ARMC9: variants seen among roughly 807,000 people sequenced by gnomAD.
ARMC9 encodes lisH domain-containing protein ARMC9.
ARMC9 carries 94 observed loss-of-function variants against 107.0 expected under a neutral mutation model. That is an observed-to-expected ratio of 0.88 (90% CI 0.74 to 1.04). The LOEUF (loss-of-function observed/expected upper bound fraction) is 1.04, where lower values mean the gene tolerates loss of function less well. ARMC9 is among the 50% of genes least tolerant of loss of function. The probability of loss-of-function intolerance (pLI) is 0.00; values close to 1 mark genes in which losing one functional copy is unlikely to be tolerated. For missense variants in ARMC9, 942 were observed against 1,030.1 expected (o/e 0.91, Z 1.17); for synonymous variants, 380 against 396.9 (o/e 0.96, Z 0.51).
intron 7 of ARMC9, among the ~76,000 whole-genome samples, chr2:231,230,827 A>T (rs1559322050): frequency 6.6e-6 from 1 of 152,238 alleles, no homozygotes; most frequent in South Asian, 2.1e-4. Flanking sequence ...TATGAAAAAA[A>T]GTCTGTATGT....
chr2:231,230,538 G>A (rs1172457368), intron 7 of ARMC9, among the ~76,000 whole-genome samples: 1 of 152,192 alleles, frequency 6.6e-6, no homozygotes, highest in Non-Finnish European at 1.5e-5. Context: ...TTTGTAGCTA[G>A]TTAAGGTATC....
intron 17 of ARMC9, among the ~76,000 whole-genome samples, chr2:231,282,527 A>G (rs1314846614): frequency 6.6e-6 from 1 of 152,228 alleles, no homozygotes; most frequent in Admixed American, 6.5e-5. Context: ...AGCAAACCTC[A>G]GGTGATTAGT....
At chr2:231,345,540 T>C (rs1390510392) in intron 21 of ARMC9, among the ~76,000 whole-genome samples, 2 of 152,234 alleles carry the variant, frequency 1.3e-5, no homozygotes, top group African/African-American at 4.8e-5. Flanking sequence ...CCGAGCCTTA[T>C]TCATCTTCCA....
At chr2:231,291,304 T>C in intron 17 of ARMC9, 49 bp from the exon 18 acceptor site, 1 of 1,481,306 alleles carries the variant, frequency 6.8e-7, no homozygotes, top group Non-Finnish European at 9.4e-7. Context: ...AAAAGTAGTT[T>C]CCCTCCAGAC....
In ARMC9 at chr2:231,376,843, A is replaced by C. The variant is rs1444772206; in HGVS notation, c.*5308A>C. On this transcript the variant is annotated 3_prime_UTR_variant, in exon 25 of 25. Coordinates refer to ENST00000611582, the MANE Select transcript of ARMC9 (RefSeq NM_001352754.2). ...GTCTCCCCCGGACACCCAGCTTTAC[A>C]ATTTCTCTCTTTTGTACTCTGTCCC... 6.6e-6 allele frequency among the ~76,000 whole-genome samples: 1 copy of C among 152,054 alleles called. No homozygotes were observed. The highest frequency in any genetic ancestry group is 1.5e-5 in the Non-Finnish European group (1 of 68,018).
At chr2:231,276,875 A>C in intron 15 of ARMC9, 100 bp downstream of exon 15, 1 of 1,457,642 alleles carries the variant, frequency 6.9e-7, no homozygotes, top group East Asian at 2.3e-5. Context: ...TTTTAGTCTC[A>C]TAGAAAACTA....
chr2:231,365,081 A>T (rs1315468607), intron 23 of ARMC9, among the ~76,000 whole-genome samples: 3 of 152,290 alleles, frequency 2.0e-5, no homozygotes, highest in Admixed American at 6.5e-5. Flanking sequence ...AGCAGCCTGG[A>T]GGCAGCCAGG....
At chr2:231,235,456 T>C (rs1464712110) in intron 8 of ARMC9, 75 bp downstream of exon 8, 19 of 1,509,382 alleles carry the variant, frequency 1.3e-5, no homozygotes, top group Admixed American at 1.0e-4. Context: ...TATGTTGATA[T>C]GGCAGGTGGA....
intron 7 of ARMC9, among the ~76,000 whole-genome samples, chr2:231,230,896 G>C (rs890082718): frequency 6.6e-6 from 1 of 152,198 alleles, no homozygotes; most frequent in African/African-American, 2.4e-5. Flanking sequence ...TGAATCCACA[G>C]GTGCAGTACC....
At chr2:231,315,016 G>A (rs533622689) in intron 19 of ARMC9, among the ~76,000 whole-genome samples, 9 of 151,684 alleles carry the variant, frequency 5.9e-5, no homozygotes, top group African/African-American at 1.7e-4. Flanking sequence ...CGAGGCAGGC[G>A]GATCATGAGG....
At chr2:231,282,212 T>C (rs2040269218) in intron 17 of ARMC9, 79 bp downstream of exon 17, 6 of 1,424,192 alleles carry the variant, frequency 4.2e-6, no homozygotes, top group South Asian at 3.5e-5. Context: ...ACCTCCTTGA[T>C]TGGGCTCCAT....
chr2:231,336,810 G>A (rs2044121186), intron 20 of ARMC9, among the ~76,000 whole-genome samples: 1 of 152,226 alleles, frequency 6.6e-6, no homozygotes, highest in Non-Finnish European at 1.5e-5. Flanking sequence ...TGAAGCAGGA[G>A]TCTGGGCCCT....
At chr2:231,240,534 C>T (rs939718116) in intron 9 of ARMC9, among the ~76,000 whole-genome samples, 1 of 152,194 alleles carries the variant, frequency 6.6e-6, no homozygotes, top group African/African-American at 2.4e-5. Flanking sequence ...TGAACACGCA[C>T]ACATATGCAC....
chr2:231,254,425 A>G (rs1204883640), intron 9 of ARMC9, among the ~76,000 whole-genome samples: 1 of 152,182 alleles, frequency 6.6e-6, no homozygotes, highest in African/African-American at 2.4e-5. Flanking sequence ...GAAAAAGGAA[A>G]GCTTTCCTTC....
intron 19 of ARMC9, among the ~76,000 whole-genome samples, chr2:231,326,816 G>A (rs2043350965): frequency 6.6e-6 from 1 of 152,212 alleles, no homozygotes; most frequent in African/African-American, 2.4e-5. Flanking sequence ...CGGAAATGAA[G>A]ACAGGGTACT....
At chr2:231,359,088 T>G (rs1409465370) in intron 22 of ARMC9, among the ~76,000 whole-genome samples, 9 of 146,336 alleles carry the variant, frequency 6.2e-5, no homozygotes, top group Admixed American at 1.3e-4. Context: ...TCCTGTTTTT[T>G]TTTTTTTTTT....
In ARMC9 at chr2:231,234,935, A is replaced by C. The variant is rs139709729; in HGVS notation, c.623-289A>C. Among the ~76,000 whole-genome samples, 1,008 of 152,364 alleles carry C rather than the reference A, an allele frequency of 6.6e-3. 12 individuals are homozygous for C. The highest frequency in any genetic ancestry group is 0.023 in the African/African-American group (951 of 41,586). ...TGTTTATTTTCTTAGACCTAGAAGA[A>C]CTAAAAGAAATTGCATGAGGTTCAG... On this transcript the variant is annotated intron_variant, in intron 7 of 24. Coordinates refer to ENST00000611582, the MANE Select transcript of ARMC9 (RefSeq NM_001352754.2).
chr2:231,237,423 C>T (rs2035821308), intron 8 of ARMC9, among the ~76,000 whole-genome samples: 1 of 151,574 alleles, frequency 6.6e-6, no homozygotes, highest in Non-Finnish European at 1.5e-5. Context: ...TTTTTGTTTG[C>T]TATAACAAAA....
At chr2:231,220,596 CAAAAAAAAA>C (rs71396668) in intron 5 of ARMC9, among the ~76,000 whole-genome samples, 1 of 66,176 alleles carries the variant, frequency 1.5e-5, no homozygotes, top group African/African-American at 5.7e-5. Context: ...GACTCCATCT[CAAAAAAAAA>C]AAAAAAAAAA....
Sources: gnomAD v4.1 joint callset for allele counts (sites outside exome capture counted in the v4.1 genomes callset) on GRCh38, gnomAD v4.1.1 for gene constraint, MANE v1.5 for transcripts, NCBI Gene and HGNC (gene_info 2026-07-23, HGNC 2026-07-21) for gene names.